The following LARP1 variants were observed in gnomAD, a reference collection of about 807,000 sequenced individuals.
LARP1 encodes the protein la-related protein 1.
A neutral mutation model predicts 122.7 loss-of-function variants in LARP1; 36 were observed. The ratio of observed to expected loss-of-function variants is 0.29; its 90% CI spans 0.22 to 0.39. The LOEUF (loss-of-function observed/expected upper bound fraction) is 0.39, where lower values mean the gene tolerates loss of function less well. LARP1 is among the 10% of genes least tolerant of loss of function. The probability of loss-of-function intolerance (pLI) is 1.00; values close to 1 mark genes in which losing one functional copy is unlikely to be tolerated. For missense variants in LARP1, 1,040 were observed against 1,403.6 expected (o/e 0.74, Z 4.14); for synonymous variants, 539 against 528.7 (o/e 1.02, Z -0.27).
chr5:154,796,511 C>T (rs1757866140), intron 8 of LARP1, among the ~76,000 whole-genome samples: 1 of 151,986 alleles, frequency 6.6e-6, no homozygotes, highest in East Asian at 1.9e-4. Flanking sequence ...CATCTGTACT[C>T]CAAGTTTTTT....
intron 1 of LARP1, among the ~76,000 whole-genome samples, chr5:154,686,732 G>A (rs1368852710): frequency 2.0e-5 from 3 of 152,166 alleles, no homozygotes; most frequent in African/African-American, 7.2e-5. Context: ...CCGACAGACT[G>A]TTTGATTGGC....
intron 1 of LARP1, among the ~76,000 whole-genome samples, chr5:154,758,281 C>T (rs1754167269): frequency 6.6e-6 from 1 of 152,124 alleles, no homozygotes; most frequent in African/African-American, 2.4e-5. Context: ...TCACCTTTTC[C>T]TCTGAGTGGA....
At chr5:154,756,621 T>G (rs1753939009) in intron 1 of LARP1, 2 of 524,774 alleles carry the variant, frequency 3.8e-6, no homozygotes, top group African/African-American at 4.1e-5. Context: ...GTCCCCATGT[T>G]GTAAATGTTT....
chr5:154,767,325 T>A (rs1755033941), intron 1 of LARP1, among the ~76,000 whole-genome samples: 1 of 152,228 alleles, frequency 6.6e-6, no homozygotes, highest in East Asian at 1.9e-4. Context: ...AATGTTCTTC[T>A]TTTGAGGCCC....
At chr5:154,688,211 G>A (rs1244372464) in intron 1 of LARP1, among the ~76,000 whole-genome samples, 1 of 152,166 alleles carries the variant, frequency 6.6e-6, no homozygotes, top group Non-Finnish European at 1.5e-5. Context: ...GGGGTGGCGA[G>A]GCTCCTGCAG....
chr5:154,812,569 G>C (rs1224429183), intron 18 of LARP1, among the ~76,000 whole-genome samples: 1 of 130,240 alleles, frequency 7.7e-6, no homozygotes, highest in East Asian at 2.2e-4. Context: ...ACCCAGGCTA[G>C]AGTGCAGTGG....
chr5:154,812,508 C>T (rs1350351360), intron 18 of LARP1, among the ~76,000 whole-genome samples: 2 of 53,636 alleles, frequency 3.7e-5, no homozygotes, highest in Non-Finnish European at 6.4e-5. Context: ...AGTAAAAGCC[C>T]CCCCCCCCCA....
chr5:154,800,046 G>T lies in LARP1; in HGVS notation c.1716+4G>T. 6.2e-7 allele frequency: 1 copy of T among 1,612,716 alleles called. No individual in the cohort carries two copies. Among genetic ancestry groups the T allele is most frequent in the Non-Finnish European group, 8.5e-7 (1 of 1,179,652 alleles). On this transcript the variant is annotated splice_donor_region_variant and intron_variant, in intron 10 of 18. Transcript: ENST00000518297. ...GCCATCCCCAGCACGGCCCAAGGTG[G>T]GTGAGGCCTTGTCCCTTGCCTTGGT... is the stretch of plus-strand genomic sequence containing the variant.
At chr5:154,793,566 CT>C in intron 4 of LARP1, 28 bp from the exon 5 acceptor site, 1 of 1,614,120 alleles carries the variant, frequency 6.2e-7, no homozygotes. Flanking sequence ...TCCCTCAAGC[CT>C]TTCTCATGTA....
intron 1 of LARP1, among the ~76,000 whole-genome samples, chr5:154,736,050 G>A (rs193246705): frequency 6.6e-6 from 1 of 151,714 alleles, no homozygotes; most frequent in African/African-American, 2.4e-5. Flanking sequence ...CTCTCAAGTA[G>A]CTGGGACTAC....
chr5:154,773,086 C>T (rs1330002080), intron 1 of LARP1, among the ~76,000 whole-genome samples: 2 of 150,572 alleles, frequency 1.3e-5, no homozygotes, highest in Non-Finnish European at 2.9e-5. Context: ...ACAAGGAAGG[C>T]TCCATGACTG....
chr5:154,690,844 C>T (rs1283060200), intron 1 of LARP1, among the ~76,000 whole-genome samples: 1 of 152,232 alleles, frequency 6.6e-6, no homozygotes, highest in Non-Finnish European at 1.5e-5. Flanking sequence ...CTCAGGATTC[C>T]CGAAGAGGTA....
At position 154,792,783 on chromosome 5, in the gene LARP1, G is replaced by A; in HGVS notation, c.726G>A (p.Gly242=). 6.2e-7 allele frequency: 1 copy of A among 1,613,988 alleles called. No individual in the cohort carries two copies. Among genetic ancestry groups the A allele is most frequent in the Non-Finnish European group, 8.5e-7 (1 of 1,179,944 alleles). ...GAGATGAGGATTGCCAGCGAGGCGGGCAGAAGAAGAAAGGTGAGTGACTGG... is the reference window on the plus strand; with the variant it reads ...GAGATGAGGATTGCCAGCGAGGCGGACAGAAGAAGAAAGGTGAGTGACTGG... ...KNGDEDCQRG[G]QKKKGNKHKW... The change falls in exon 4 of 19, where the codon GGG becomes GGA. Residue 242 remains glycine, a synonymous_variant. Transcript: ENST00000518297.
At position 154,802,127 on chromosome 5, in the gene LARP1, A is replaced by G; in HGVS notation, c.1837A>G (p.Met613Val). Residue 613 changes from methionine to valine, a missense_variant, in exon 11 of 19, where the codon ATG (methionine) becomes GTG (valine). Physicochemically the swap from Met to Val is conservative, Grantham distance 21. This residue lies in a region of LARP1 where 362 missense variants were observed against 533.1 expected (regional missense o/e 0.68). Coordinates refer to ENST00000518297, the MANE Select transcript of LARP1 (RefSeq NM_033551.3). The surrounding 1 kb of genome is among the most constrained non-coding windows in gnomAD (Gnocchi z 5.1). Reference protein sequence around the residue: ...EELDFLFDEEMEQMDGRKNTF... With the variant: ...EELDFLFDEEVEQMDGRKNTF... ...ACTGGATTTTCTGTTTGACGAGGAG[A>G]TGGAGCAGATGGATGGGCGGAAGAA... 6.2e-7 allele frequency: 1 copy of G among 1,614,128 alleles called. No homozygotes were observed. The highest frequency in any genetic ancestry group is 8.5e-7 in the Non-Finnish European group (1 of 1,180,020).
intron 1 of LARP1, among the ~76,000 whole-genome samples, chr5:154,687,775 G>T (rs1023602552): frequency 1.5e-5 from 1 of 64,768 alleles, no homozygotes; most frequent in African/African-American, 1.1e-4. Context: ...TTCAAGACCA[G>T]CCAGGATAAC....
chr5:154,813,454 G>A (rs978700739), intron 18 of LARP1, among the ~76,000 whole-genome samples: 2 of 152,364 alleles, frequency 1.3e-5, no homozygotes, highest in South Asian at 2.1e-4. Context: ...CTTCTGAGCT[G>A]AGACGTCGCA....
chr5:154,710,399 C>T (rs1049330189), upstream of LARP1, among the ~76,000 whole-genome samples: 6 of 151,948 alleles, frequency 3.9e-5, no homozygotes, highest in Admixed American at 3.9e-4. Flanking sequence ...ATTGATTAAG[C>T]CCAGGAGTTG....
chr5:154,739,314 C>T (rs1757092678), intron 1 of LARP1, among the ~76,000 whole-genome samples: 1 of 152,128 alleles, frequency 6.6e-6, no homozygotes, highest in Non-Finnish European at 1.5e-5. Flanking sequence ...GCCACCTCAC[C>T]CGGCCCTAAA....
At chr5:154,707,064 C>A (rs754825139) in intron 1 of LARP1, among the ~76,000 whole-genome samples, 1 of 152,086 alleles carries the variant, frequency 6.6e-6, no homozygotes, top group Non-Finnish European at 1.5e-5. Flanking sequence ...GCTAGAGTTT[C>A]TCTTGTGTAT....
Sources: allele counts gnomAD v4.1 joint callset (sites outside exome capture counted in the v4.1 genomes callset), GRCh38; gene constraint gnomAD v4.1.1; regional missense constraint gnomAD v4.1.1; non-coding constraint Gnocchi (gnomAD v3.1); transcripts MANE v1.5; gene names NCBI Gene and HGNC (gene_info 2026-07-23, HGNC 2026-07-21).